The following UBE2Z variants were observed in gnomAD, a reference collection of about 807,000 sequenced individuals.
UBE2Z encodes the protein ubiquitin-conjugating enzyme E2 Z.
UBE2Z carries 10 observed loss-of-function variants against 32.6 expected under a neutral mutation model. The observed-to-expected ratio is 0.31, with a 90% CI of 0.19 to 0.52. The LOEUF (loss-of-function observed/expected upper bound fraction) is 0.52. Among genes scored for constraint, UBE2Z ranks in the 20% least tolerant of loss-of-function variants. UBE2Z has a pLI of 0.97. For missense variants in UBE2Z, 343 were observed against 480.9 expected (o/e 0.71, Z 2.68); for synonymous variants, 183 against 190.8 (o/e 0.96, Z 0.34).
chr17:48,923,165 C>CA (rs201161211), intron 6 of UBE2Z: 9 of 345,518 alleles, frequency 2.6e-5, no homozygotes, highest in Admixed American at 1.6e-4. Context: ...ACTAAAAATA[C>CA]AAAAAATTAG....
rs1298628733 is a variant in UBE2Z, at chr17:48,908,811, G to A, written c.308G>A (p.Arg103Gln). The A allele has an allele frequency of 6.7e-7, 1 of 1,499,836 alleles. No homozygotes were observed. Among genetic ancestry groups the A allele is most frequent in the Non-Finnish European group, 8.9e-7 (1 of 1,128,976 alleles). 92.9% of individuals were successfully genotyped at this position (1,499,836 alleles called of 1,614,324 possible). Reference protein sequence around the residue: ...GERTAPQCLLRIKRDIMSIYK... With the variant: ...GERTAPQCLLQIKRDIMSIYK... ...CGCACCGCGCCGCAGTGTCTACTCC[G>A]GATCAAGCGGTGAGCCGGGGTTTTT... The change falls in exon 1 of 7, where the codon CGG (arginine) becomes CAG (glutamine). Residue 103 changes from arginine to glutamine, a missense_variant. By Grantham distance (43) the Arg-to-Gln change is conservative (BLOSUM62 1). This residue lies in a region of UBE2Z where 55 missense variants were observed against 56.2 expected (regional missense o/e 0.98). Transcript: ENST00000360943.
At chr17:48,915,980 A>G in intron 3 of UBE2Z, 96 bp from the exon 4 acceptor site, 1 of 677,394 alleles carries the variant, frequency 1.5e-6, no homozygotes, top group Non-Finnish European at 2.4e-6. Flanking sequence ...AGAGAAACTT[A>G]TGGTGAGTCA....
chr17:48,914,399 A>C (rs1484053870), intron 3 of UBE2Z, among the ~76,000 whole-genome samples: 1 of 152,246 alleles, frequency 6.6e-6, no homozygotes, highest in Non-Finnish European at 1.5e-5. Flanking sequence ...GGACTTGCTC[A>C]GACCCAGGGA....
At chr17:48,921,527 C>T (rs1276922486) in intron 5 of UBE2Z, among the ~76,000 whole-genome samples, 11 of 152,310 alleles carry the variant, frequency 7.2e-5, no homozygotes, top group East Asian at 3.9e-4. Context: ...AAGGCTTGGA[C>T]GTACTTTTTT....
chr17:48,908,895 A>T lies in UBE2Z; in HGVS notation c.317+75A>T, dbSNP rs1208403511. On this transcript the variant is annotated intron_variant, in intron 1 of 6. Transcript: ENST00000360943. The stretch of plus-strand genomic sequence containing the variant: ...TCCCCGCCCCCCACCCTCTCCCACT[A>T]CAACTCACCCCCCACCCACTGCGCT... 3.8e-4 allele frequency: 332 copies of T among 878,432 alleles called. 1 individual carries two copies. The highest frequency in any genetic ancestry group is 4.5e-4 in the Non-Finnish European group (324 of 712,788). 54.4% of individuals were successfully genotyped at this position (878,432 alleles called of 1,614,324 possible).
At chr17:48,924,251 CAGGTGTG>C (rs2040782175) in intron 6 of UBE2Z, among the ~76,000 whole-genome samples, 1 of 152,198 alleles carries the variant, frequency 6.6e-6, no homozygotes, top group South Asian at 2.1e-4. Context: ...GAGATTATTA[CAGGTGTG>C]AGCCACTGCA....
At position 48,922,931 on chromosome 17, in the gene UBE2Z, T is replaced by C. The variant is rs369952699; in HGVS notation, c.888T>C (p.Thr296=). 8.7e-6 allele frequency: 14 copies of C among 1,610,940 alleles called. No individual in the cohort carries two copies. In the African/African-American group the frequency reaches 1.7e-4, roughly 20 times the overall value. Residue 296 remains threonine (T), a synonymous_variant, in exon 6 of 7, where the codon ACT becomes ACC. Coordinates refer to ENST00000360943, the MANE Select transcript of UBE2Z (RefSeq NM_023079.5). ...ATCGCCTGCACCTTCAAGGCCAAAC[T>C]ATGCAGGTAATACAACCCCTGCTGC... ...CKDRLHLQGQ[T]MQDPFGEKRG...
intron 4 of UBE2Z, among the ~76,000 whole-genome samples, chr17:48,916,631 C>T (rs1156246406): frequency 6.9e-6 from 1 of 144,464 alleles, no homozygotes; most frequent in African/African-American, 2.5e-5. Flanking sequence ...TAGCACAGCC[C>T]CATGTACTAC....
At chr17:48,910,535 T>G in intron 1 of UBE2Z, 1 of 356,806 alleles carries the variant, frequency 2.8e-6, no homozygotes, top group East Asian at 4.4e-5. Context: ...CAGGCTGACA[T>G]TTGATGCCAT....
intron 6 of UBE2Z, 69 bp from the exon 7 acceptor site, chr17:48,926,895 G>A (rs912534167): frequency 4.6e-6 from 7 of 1,515,642 alleles, no homozygotes; most frequent in Admixed American, 2.1e-5. Flanking sequence ...ACATGGGCCC[G>A]AAGTTGCTTT....
At position 48,922,935 on chromosome 17, in the gene UBE2Z, C is replaced by A. The variant is rs1416407190; in HGVS notation, c.892C>A (p.Gln298Lys). Residue 298 changes from glutamine (Q) to lysine (K), a missense_variant and splice_region_variant, in exon 6 of 7, where the codon CAG becomes AAG. Transcript: ENST00000360943. ...CCTGCACCTTCAAGGCCAAACTATG[C>A]AGGTAATACAACCCCTGCTGCTAAT... ...DRLHLQGQTM[Q>K]DPFGEKRGHF... 1.4e-5 allele frequency: 22 copies of A among 1,609,198 alleles called. No homozygotes were observed. The highest frequency in any genetic ancestry group is 1.9e-5 in the Non-Finnish European group (22 of 1,177,316).
intron 6 of UBE2Z, among the ~76,000 whole-genome samples, chr17:48,924,996 C>T (rs977240592): frequency 2.6e-5 from 4 of 151,480 alleles, no homozygotes; most frequent in Admixed American, 1.3e-4. Context: ...ATGGGATACT[C>T]GTGGGGCCTG....
intron 2 of UBE2Z, chr17:48,911,983 G>C (rs143417436): frequency 2.9e-4 from 44 of 151,452 alleles, no homozygotes; most frequent in African/African-American, 8.7e-4. Context: ...CCTCCCTTCA[G>C]GGGGGGAAAT....
At chr17:48,916,342 G>A (rs1432926363) in intron 4 of UBE2Z, among the ~76,000 whole-genome samples, 155 bp downstream of exon 4, 9 of 142,102 alleles carry the variant, frequency 6.3e-5, no homozygotes, top group Admixed American at 3.8e-4. Flanking sequence ...TGCAACCTCC[G>A]CCTCCCGGGT....
chr17:48,917,325 GA>G (rs1175198107), intron 4 of UBE2Z, among the ~76,000 whole-genome samples: 3 of 151,938 alleles, frequency 2.0e-5, no homozygotes, highest in Non-Finnish European at 4.4e-5. Flanking sequence ...TAATAATAAT[GA>G]ATTTTTTTAT....
chr17:48,918,996 G>A (rs988771314), intron 4 of UBE2Z, among the ~76,000 whole-genome samples: 1 of 151,904 alleles, frequency 6.6e-6, no homozygotes, highest in African/African-American at 2.4e-5. Flanking sequence ...GTCTGCCCAC[G>A]TCCGCCTCCC....
intron 5 of UBE2Z, among the ~76,000 whole-genome samples, chr17:48,922,518 T>C (rs2040767248): frequency 6.6e-6 from 1 of 151,788 alleles, no homozygotes; most frequent in Non-Finnish European, 1.5e-5. Context: ...CCTGTAGTCC[T>C]AGCACTTTGG....
intron 3 of UBE2Z, among the ~76,000 whole-genome samples, chr17:48,914,574 G>T (rs887319517): frequency 6.6e-6 from 1 of 152,154 alleles, no homozygotes; most frequent in Non-Finnish European, 1.5e-5. Flanking sequence ...ATTTGTTCGC[G>T]AAAGCGTGTC....
intron 4 of UBE2Z, among the ~76,000 whole-genome samples, chr17:48,919,462 TGATA>T (rs2040744093): frequency 6.6e-6 from 1 of 152,206 alleles, no homozygotes; most frequent in South Asian, 2.1e-4. Context: ...TCGAAGCTTC[TGATA>T]GATTTATTTC....
Sources: allele counts gnomAD v4.1 joint callset (sites outside exome capture counted in the v4.1 genomes callset), GRCh38; gene constraint gnomAD v4.1.1; regional missense constraint gnomAD v4.1.1; transcripts MANE v1.5; gene names NCBI Gene and HGNC (gene_info 2026-07-23, HGNC 2026-07-21).